CKAP4: variants seen among roughly 807,000 people sequenced by gnomAD.
CKAP4 encodes cytoskeleton associated protein 4, also known as cytoskeleton-associated protein 4.
In CKAP4, 20 loss-of-function variants were observed where a neutral mutation model predicts 24.4. The ratio of observed to expected loss-of-function variants is 0.82; its 90% CI spans 0.58 to 1.19. The LOEUF (loss-of-function observed/expected upper bound fraction) is 1.19. CKAP4 is among the 50% of genes most tolerant of loss of function. CKAP4 has a pLI of 0.00. For synonymous variants in CKAP4, 378 were observed against 351.7 expected (o/e 1.07, Z -0.84); for missense variants, 744 against 765.3 (o/e 0.97, Z 0.33).
intron 1 of CKAP4, among the ~76,000 whole-genome samples, chr12:106,243,124 T>G (rs1016286583): frequency 1.1e-4 from 16 of 151,818 alleles, no homozygotes; most frequent in African/African-American, 3.4e-4. Flanking sequence ...CACCCTAGGG[T>G]GGGGGGACTG....
At position 106,240,023 on chromosome 12, in the gene CKAP4, C is replaced by T. The variant is rs1592896814; in HGVS notation, c.810G>A (p.Lys270=). 1 of 1,614,096 alleles carries T rather than the reference C, an allele frequency of 6.2e-7. No homozygotes were observed. Among genetic ancestry groups the T allele is most frequent in the East Asian group, 2.2e-5 (1 of 44,860 alleles). The stretch of plus-strand genomic sequence containing the variant: ...ATTCTTCCAGGGAGGCAACCTTTGC[C>T]TTCATGTCATTGATCTCCTTCTGGC... The part of the protein sequence containing the change: ...KRSQKEINDM[K]AKVASLEESE... The change falls in exon 2 of 2, where the codon AAG becomes AAA. Residue 270 remains lysine, a synonymous_variant. Coordinates refer to ENST00000378026, the MANE Select transcript of CKAP4 (RefSeq NM_006825.4).
Position 106,239,526 on chromosome 12 carries a change from G to T in CKAP4, c.1307C>A (p.Ser436Tyr). 1 of 1,610,082 alleles carries T rather than the reference G, an allele frequency of 6.2e-7. No individual in the cohort carries two copies. Among genetic ancestry groups the T allele is most frequent in the Non-Finnish European group, 8.5e-7 (1 of 1,179,036 alleles). Residue 436 changes from serine (S) to tyrosine (Y), a missense_variant, in exon 2 of 2, where the codon TCC becomes TAC. This residue lies in a region of CKAP4 where 401 missense variants were observed against 424.5 expected (regional missense o/e 0.94). Transcript: ENST00000378026. This position sits in a 1 kb window ranked among gnomAD's most constrained non-coding sequence, Gnocchi z 4.9. ...ASARQTESLESLLSKSQEHEQ... is the reference protein window; with the variant it reads ...ASARQTESLEYLLSKSQEHEQ... ...GTGCTCCTGGCTCTTGGACAGGAGG[G>T]ACTCCAGGCTCTCGGTCTGGCGCGC... is the stretch of plus-strand genomic sequence containing the variant.
At position 106,247,620 on chromosome 12, in the gene CKAP4, T is replaced by G. The variant is rs1293151712; in HGVS notation, c.232A>C (p.Lys78Gln). ...GHRGGGGGGG[K>Q]SSSSSSASAA... ...GAGGCGGAGGAGGAGGAGGAGGACTTGCCGCCGCCGCCGCCGCCGCCGCGG... is the reference window on the plus strand; with the variant it reads ...GAGGCGGAGGAGGAGGAGGAGGACTGGCCGCCGCCGCCGCCGCCGCCGCGG... Residue 78 changes from lysine to glutamine, a missense_variant, in exon 1 of 2, where the codon AAG (lysine) becomes CAG (glutamine). Physicochemically the swap from Lys to Gln is moderately conservative, Grantham distance 53. Coordinates refer to ENST00000378026, the MANE Select transcript of CKAP4 (RefSeq NM_006825.4). The surrounding 1 kb of genome is among the most constrained non-coding windows in gnomAD (Gnocchi z 4.5). 4 of 981,808 alleles carry G rather than the reference T, an allele frequency of 4.1e-6. No individual in the cohort carries two copies. The highest frequency in any genetic ancestry group is 2.8e-5 in the South Asian group (1 of 36,022). The allele number at this position is 981,808 out of a possible 1,614,324, so 60.8% of individuals were successfully genotyped here.
chr12:106,238,882 A>G lies in CKAP4; in HGVS notation c.*142T>C, dbSNP rs895001684. ...TAAGTTAACTGGGCATGAAAATACAATGCCTTGGTGTTCAGGTGGTGACAA... is the reference window on the plus strand; with the variant it reads ...TAAGTTAACTGGGCATGAAAATACAGTGCCTTGGTGTTCAGGTGGTGACAA... On this transcript the variant is annotated 3_prime_UTR_variant, in exon 2 of 2. Coordinates refer to ENST00000378026, the MANE Select transcript of CKAP4 (RefSeq NM_006825.4). 8.5e-6 allele frequency: 7 copies of G among 826,170 alleles called. No homozygotes were observed. The highest frequency in any genetic ancestry group is 2.4e-5 in the East Asian group (1 of 40,980). The allele number at this position is 826,170 out of a possible 1,614,324, so 51.2% of individuals were successfully genotyped here.
rs1305105068 is a variant in CKAP4, at chr12:106,247,802, C to T, written c.50G>A (p.Ser17Asn). Reference protein sequence around the residue: ...RGSKGGHGAASPSEKGAHPSG... With the variant: ...RGSKGGHGAANPSEKGAHPSG... The stretch of plus-strand genomic sequence containing the variant: ...CGGGTGGGCACCCTTCTCCGAGGGG[C>T]TCGCGGCGCCGTGGCCGCCCTTGGA... The change falls in exon 1 of 2, where the codon AGC (serine) becomes AAC (asparagine). Residue 17 changes from serine (S) to asparagine (N), a missense_variant. Ser to Asn is a conservative substitution (Grantham distance 46). Coordinates refer to ENST00000378026, the MANE Select transcript of CKAP4 (RefSeq NM_006825.4). This position sits in a 1 kb window ranked among gnomAD's most constrained non-coding sequence, Gnocchi z 4.5. The T allele has an allele frequency of 6.7e-6, 7 of 1,051,380 alleles. No individual in the cohort carries two copies. Among genetic ancestry groups the T allele is most frequent in the Non-Finnish European group, 6.8e-6 (6 of 876,550 alleles). The allele number at this position is 1,051,380 out of a possible 1,614,324, so 65.1% of individuals were successfully genotyped here.
At chr12:106,242,388 T>C (rs1320902584) in intron 1 of CKAP4, among the ~76,000 whole-genome samples, 1 of 152,218 alleles carries the variant, frequency 6.6e-6, no homozygotes, top group Non-Finnish European at 1.5e-5. Context: ...TGAAGTGGGA[T>C]GTGAACAACA....
chr12:106,241,461 T>C (rs969274094), intron 1 of CKAP4, among the ~76,000 whole-genome samples: 21 of 150,172 alleles, frequency 1.4e-4, no homozygotes, highest in Non-Finnish European at 2.5e-4. Flanking sequence ...GCCTCCCGAG[T>C]AGCTGGGACT....
intron 1 of CKAP4, among the ~76,000 whole-genome samples, chr12:106,240,668 CAAAAAAA>C (rs34175879): frequency 1.2e-5 from 1 of 86,462 alleles, no homozygotes; most frequent in African/African-American, 4.1e-5. Flanking sequence ...TGCTTTGTTG[CAAAAAAA>C]AAAAAAAGAA....
At chr12:106,240,392 G>A in intron 1 of CKAP4, 43 bp from the exon 2 acceptor site, 1 of 1,571,944 alleles carries the variant, frequency 6.4e-7, no homozygotes, top group Non-Finnish European at 8.6e-7. Flanking sequence ...AAGAGCTGAT[G>A]AGTTTCACAT....
Position 106,247,512 on chromosome 12 carries a change from G to C in CKAP4, c.340C>G (p.Leu114Val), listed in dbSNP as rs374143471. ...AAAGCGGCCGCCGCCACCAGGGCGA[G>C]GTAGAAGAGAAAGTTGAGCGCCCTG... Reference protein sequence around the residue: ...LGRALNFLFYLALVAAAAFSG... With the variant: ...LGRALNFLFYVALVAAAAFSG... The change falls in exon 1 of 2, where the codon CTC becomes GTC. Residue 114 changes from leucine (L) to valine (V), a missense_variant. Leu to Val is a conservative substitution (Grantham distance 32). This residue lies in a region of CKAP4 where 300 missense variants were observed against 264.5 expected (regional missense o/e 1.13). Transcript: ENST00000378026. This position sits in a 1 kb window ranked among gnomAD's most constrained non-coding sequence, Gnocchi z 4.5. 2.6e-6 allele frequency: 4 copies of C among 1,539,804 alleles called. No individual in the cohort carries two copies. The highest frequency in any genetic ancestry group is 1.8e-4 in the Middle Eastern group (1 of 5,648).
chr12:106,240,379 G>T, intron 1 of CKAP4, 30 bp from the exon 2 acceptor site: 1 of 1,589,416 alleles, frequency 6.3e-7, no homozygotes, highest in Non-Finnish European at 8.6e-7. Context: ...GTTAATTGCT[G>T]AGAAGAGCTG....
chr12:106,247,939 A>C lies in CKAP4; in HGVS notation c.-88T>G. 1.2e-6 allele frequency: 1 copy of C among 831,622 alleles called. No homozygotes were observed. The highest frequency in any genetic ancestry group is 1.5e-6 in the Non-Finnish European group (1 of 686,504). The allele number at this position is 831,622 out of a possible 1,614,324, so 51.5% of individuals were successfully genotyped here. ...GGAAACTTGCAGGGGCTCCCCCGGG[A>C]CTGGGCGAGCGGCACGCGGGCGCTG... On this transcript the variant is annotated 5_prime_UTR_variant, in exon 1 of 2. Coordinates refer to ENST00000378026, the MANE Select transcript of CKAP4 (RefSeq NM_006825.4). This position sits in a 1 kb window ranked among gnomAD's most constrained non-coding sequence, Gnocchi z 4.5.
Position 106,240,122 on chromosome 12 carries a change from C to T in CKAP4, c.711G>A (p.Val237=), listed in dbSNP as rs1156438483. 1 of 1,614,232 alleles carries T rather than the reference C, an allele frequency of 6.2e-7. No individual in the cohort carries two copies. The highest frequency in any genetic ancestry group is 8.5e-7 in the Non-Finnish European group (1 of 1,180,052). The change falls in exon 2 of 2, where the codon GTG becomes GTA. Residue 237 remains valine (V), a synonymous_variant. Coordinates refer to ENST00000378026, the MANE Select transcript of CKAP4 (RefSeq NM_006825.4). ...ERDFTSLENT[V]EERLTELTKS... Reference sequence around the variant, plus strand: ...TGGTGAGCTCCGTCAGCCGCTCCTCCACCGTGTTCTCCAGGGACGTGAAGT... The same window carrying T: ...TGGTGAGCTCCGTCAGCCGCTCCTCTACCGTGTTCTCCAGGGACGTGAAGT...
At position 106,247,636 on chromosome 12, in the gene CKAP4, G is replaced by T; in HGVS notation, c.216C>A (p.Gly72=). 1.9e-6 allele frequency: 2 copies of T among 1,060,984 alleles called. No individual in the cohort carries two copies. The highest frequency in any genetic ancestry group is 2.4e-6 in the Non-Finnish European group (2 of 842,708). The allele number at this position is 1,060,984 out of a possible 1,614,324, so 65.7% of individuals were successfully genotyped here. A position where few individuals can be genotyped will look rare whatever the true frequency, so the allele number is the denominator to read the frequency against. The change falls in exon 1 of 2, where the codon GGC becomes GGA. Residue 72 remains glycine, a synonymous_variant. Transcript: ENST00000378026. The surrounding 1 kb of genome is among the most constrained non-coding windows in gnomAD (Gnocchi z 4.5). ...QAHGKGGHRG[G]GGGGGKSSSS... ...AGGAGGACTTGCCGCCGCCGCCGCC[G>T]CCGCCGCGGTGGCCGCCCTTGCCGT...
intron 1 of CKAP4, among the ~76,000 whole-genome samples, chr12:106,241,066 G>C (rs1317323595): frequency 6.6e-6 from 1 of 152,126 alleles, no homozygotes; most frequent in African/African-American, 2.4e-5. Context: ...GCAACAGAGT[G>C]AGGTTCTGTC....
Position 106,247,105 on chromosome 12 carries a change from GGCC to G in CKAP4, c.483+261_483+263del. The G allele has an allele frequency of 2.3e-6, 1 of 429,606 alleles. No homozygotes were observed. The highest frequency in any genetic ancestry group is 4.2e-6 in the Non-Finnish European group (1 of 239,076). The allele number at this position is 429,606 out of a possible 1,614,324, so 26.6% of individuals were successfully genotyped here. A position where few individuals can be genotyped will look rare whatever the true frequency, so the allele number is the denominator to read the frequency against. On this transcript the variant is annotated intron_variant, in intron 1 of 1. Coordinates refer to ENST00000378026, the MANE Select transcript of CKAP4 (RefSeq NM_006825.4). This position sits in a 1 kb window ranked among gnomAD's most constrained non-coding sequence, Gnocchi z 4.5. ...GGCCCTTGGCCCACCCTGCCAGGCGGGCCTGGGCATCCTCGCGGCGGCCCATCC... is the reference window on the plus strand; with the variant it reads ...GGCCCTTGGCCCACCCTGCCAGGCGGTGGGCATCCTCGCGGCGGCCCATCC...
Position 106,239,510 on chromosome 12 carries a change from G to T in CKAP4, c.1323C>A (p.Ser441Arg), listed in dbSNP as rs1035842198. 12 of 1,609,252 alleles carry T rather than the reference G, an allele frequency of 7.5e-6. No homozygotes were observed. The highest frequency in any genetic ancestry group is 1.3e-5 in the African/African-American group (1 of 74,826). ...CGGCCAGGCGCTGCTCGTGCTCCTG[G>T]CTCTTGGACAGGAGGGACTCCAGGC... The part of the protein sequence containing the change: ...TESLESLLSK[S>R]QEHEQRLAAL... Residue 441 changes from serine (S) to arginine (R), a missense_variant, in exon 2 of 2, where the codon AGC becomes AGA. Coordinates refer to ENST00000378026, the MANE Select transcript of CKAP4 (RefSeq NM_006825.4). The surrounding 1 kb of genome is among the most constrained non-coding windows in gnomAD (Gnocchi z 4.9).
In CKAP4 at chr12:106,240,167, C is replaced by A; in HGVS notation, c.666G>T (p.Val222=). ...TGAAGTCCCGCTCCCGGGCGTCCTTCACCACATGGATCCCATCCGAGAGGT... is the reference window on the plus strand; with the variant it reads ...TGAAGTCCCGCTCCCGGGCGTCCTTAACCACATGGATCCCATCCGAGAGGT... The part of the protein sequence containing the change: ...LKDLSDGIHV[V]KDARERDFTS... The change falls in exon 2 of 2, where the codon GTG becomes GTT. Residue 222 remains valine (V), a synonymous_variant. Coordinates refer to ENST00000378026, the MANE Select transcript of CKAP4 (RefSeq NM_006825.4). 1 of 1,614,252 alleles carries A rather than the reference C, an allele frequency of 6.2e-7. No homozygotes were observed. Among genetic ancestry groups the A allele is most frequent in the East Asian group, 2.2e-5 (1 of 44,874 alleles).
chr12:106,239,516 G>C lies in CKAP4; in HGVS notation c.1317C>G (p.Ser439=). ...RQTESLESLL[S]KSQEHEQRLA... is the part of the protein sequence containing the mutation. The stretch of plus-strand genomic sequence containing the variant: ...GGCGCTGCTCGTGCTCCTGGCTCTT[G>C]GACAGGAGGGACTCCAGGCTCTCGG... The change falls in exon 2 of 2, where the codon TCC becomes TCG. Residue 439 remains serine (S), a synonymous_variant. Transcript: ENST00000378026. This position sits in a 1 kb window ranked among gnomAD's most constrained non-coding sequence, Gnocchi z 4.9. 1 of 1,609,692 alleles carries C rather than the reference G, an allele frequency of 6.2e-7. No homozygotes were observed. Among genetic ancestry groups the C allele is most frequent in the Non-Finnish European group, 8.5e-7 (1 of 1,179,232 alleles).
Sources: gnomAD v4.1 joint callset for allele counts (sites outside exome capture counted in the v4.1 genomes callset) on GRCh38, gnomAD v4.1.1 for gene constraint, gnomAD v4.1.1 regional missense constraint, Gnocchi (gnomAD v3.1) non-coding constraint, MANE v1.5 for transcripts, NCBI Gene and HGNC (gene_info 2026-07-23, HGNC 2026-07-21) for gene names.